The following DLG2 variants were observed in gnomAD, a reference collection of about 807,000 sequenced individuals.
DLG2 encodes the protein discs large MAGUK scaffold protein 2.
Under a neutral mutation model 132.5 loss-of-function variants are expected in DLG2, and 45 were observed. The ratio of observed to expected loss-of-function variants is 0.34; its 90% CI spans 0.27 to 0.44. The LOEUF (loss-of-function observed/expected upper bound fraction) is 0.44. Ranked by LOEUF, DLG2 falls within the 20% of genes least tolerant of loss-of-function variation. The pLI, the probability that DLG2 is intolerant of heterozygous loss-of-function variation, is 1.00. For synonymous variants in DLG2, 424 were observed against 419.6 expected (o/e 1.01, Z -0.13); for missense variants, 1,045 against 1,196.9 (o/e 0.87, Z 1.87).
intron 7 of DLG2, among the ~76,000 whole-genome samples, chr11:84,310,422 G>A (rs771469206): frequency 6.6e-6 from 1 of 152,162 alleles, no homozygotes; most frequent in Non-Finnish European, 1.5e-5. Flanking sequence ...TCCTAGCACA[G>A]TGTCTCACAC....
intron 4 of DLG2, among the ~76,000 whole-genome samples, chr11:85,208,902 T>C (rs1595396028): frequency 6.6e-6 from 1 of 152,140 alleles, no homozygotes; most frequent in East Asian, 1.9e-4. Context: ...CCTTCATTTG[T>C]TCTTGTCCTC....
intron 21 of DLG2, among the ~76,000 whole-genome samples, chr11:83,523,996 T>C (rs967697156): frequency 2.0e-5 from 3 of 152,156 alleles, no homozygotes; most frequent in African/African-American, 7.2e-5. Flanking sequence ...CTTCTTCCTC[T>C]GTGCAAAAGG....
At position 84,862,192 on chromosome 11, in the gene DLG2, TAAATAAA is replaced by T. The variant is rs553217271; in HGVS notation, c.357+249462_357+249468del. 3.2e-3 allele frequency among the ~76,000 whole-genome samples: 492 copies of T among 151,656 alleles called. 2 individuals are homozygous for T. Among genetic ancestry groups the T allele is most frequent in the Non-Finnish European group, 5.1e-3 (349 of 67,900 alleles). ...CCTAAAACTTAAAGTATAATAATAA[TAAATAAA>T]AAATAAAAAATAAAAAGAAAAGCTC... On this transcript the variant is annotated intron_variant, in intron 6 of 27. Coordinates refer to ENST00000376104, the MANE Select transcript of DLG2 (RefSeq NM_001142699.3).
At position 85,560,165 on chromosome 11, in the gene DLG2, T is replaced by C. The variant is rs753304167; in HGVS notation, c.40+38492A>G. 2.6e-4 allele frequency among the ~76,000 whole-genome samples: 39 copies of C among 151,706 alleles called. 1 individual carries two copies. Among genetic ancestry groups the C allele is most frequent in the Non-Finnish European group, 5.0e-4 (34 of 67,828 alleles). ...AAAATGACACTGTCATTATGAAAAATAATTTGGCAGTTCTTGAAAAAGTTA... is the reference window on the plus strand; with the variant it reads ...AAAATGACACTGTCATTATGAAAAACAATTTGGCAGTTCTTGAAAAAGTTA... On this transcript the variant is annotated intron_variant, in intron 3 of 27. Coordinates refer to ENST00000376104, the MANE Select transcript of DLG2 (RefSeq NM_001142699.3).
At chr11:85,349,700 T>C (rs577020890) in intron 3 of DLG2, among the ~76,000 whole-genome samples, 3 of 152,276 alleles carry the variant, frequency 2.0e-5, no homozygotes, top group Middle Eastern at 3.4e-3. Context: ...CTGGGAATGA[T>C]GGTTTCCAGC....
intron 9 of DLG2, among the ~76,000 whole-genome samples, chr11:84,127,309 A>G (rs2094218909): frequency 6.6e-6 from 1 of 152,190 alleles, no homozygotes; most frequent in Non-Finnish European, 1.5e-5. Context: ...CATACATTCC[A>G]ATACTCCCCA....
At chr11:84,855,444 G>A (rs1296945113) in intron 6 of DLG2, among the ~76,000 whole-genome samples, 1 of 152,064 alleles carries the variant, frequency 6.6e-6, no homozygotes, top group African/African-American at 2.4e-5. Context: ...ATGAGACAAT[G>A]TAGCTAGAGA....
chr11:84,719,528 C>G (rs1193763674), intron 6 of DLG2, among the ~76,000 whole-genome samples: 2 of 152,290 alleles, frequency 1.3e-5, no homozygotes, highest in African/African-American at 4.8e-5. Context: ...ACACCAAGTT[C>G]TATGCATCTT....
intron 6 of DLG2, among the ~76,000 whole-genome samples, chr11:85,057,993 A>G (rs1226750738): frequency 2.6e-5 from 4 of 151,498 alleles, no homozygotes; most frequent in Admixed American, 2.6e-4. Flanking sequence ...GAAATATTAG[A>G]ATATTCTTGT....
At chr11:83,915,745 A>G (rs747008806) in intron 15 of DLG2, among the ~76,000 whole-genome samples, 3 of 152,206 alleles carry the variant, frequency 2.0e-5, no homozygotes, top group Non-Finnish European at 4.4e-5. Context: ...TAATTTACCT[A>G]CAGTAAAATC....
At position 84,425,870 on chromosome 11, in the gene DLG2, A is replaced by G. The variant is rs563082602; in HGVS notation, c.519+108700T>C. The stretch of plus-strand genomic sequence containing the variant: ...AATAGATCCAAAGTGACTCCATTCA[A>G]TTCACAGCAGGAACATTCAAAGTAG... On this transcript the variant is annotated intron_variant, in intron 7 of 27. Coordinates refer to ENST00000376104, the MANE Select transcript of DLG2 (RefSeq NM_001142699.3). Among the ~76,000 whole-genome samples, 6 of 152,280 alleles carry G rather than the reference A, an allele frequency of 3.9e-5. No individual in the cohort carries two copies. In the East Asian group the frequency reaches 5.8e-4, roughly 15 times the overall value.
chr11:85,528,022 G>A (rs1481572166), intron 3 of DLG2, among the ~76,000 whole-genome samples: 1 of 152,080 alleles, frequency 6.6e-6, no homozygotes, highest in Non-Finnish European at 1.5e-5. Flanking sequence ...CCCACTTTTT[G>A]ATGGGATTGT....
At chr11:85,251,191 A>C (rs1340219987) in intron 4 of DLG2, among the ~76,000 whole-genome samples, 3 of 152,202 alleles carry the variant, frequency 2.0e-5, no homozygotes, top group Admixed American at 2.0e-4. Flanking sequence ...GTGTGTGGAA[A>C]GTGCAGAAAA....
At chr11:84,411,010 A>C (rs1386073062) in intron 7 of DLG2, among the ~76,000 whole-genome samples, 1 of 152,202 alleles carries the variant, frequency 6.6e-6, no homozygotes, top group Non-Finnish European at 1.5e-5. Context: ...CTAATTTCTA[A>C]AAATAAAATC....
At chr11:84,251,169 G>T in intron 8 of DLG2, 69 bp downstream of exon 8, 1 of 956,478 alleles carries the variant, frequency 1.0e-6, no homozygotes, top group South Asian at 1.9e-5. Context: ...AATGTGAATT[G>T]AATTTAAATT....
chr11:85,030,860 T>A (rs544710999), intron 6 of DLG2, among the ~76,000 whole-genome samples: 36 of 152,240 alleles, frequency 2.4e-4, no homozygotes, highest in African/African-American at 8.7e-4. Context: ...AATTTTATTT[T>A]CGATTTTTAT....
chr11:85,504,270 G>C (rs1480527850), intron 3 of DLG2, among the ~76,000 whole-genome samples: 1 of 152,048 alleles, frequency 6.6e-6, no homozygotes, highest in African/African-American at 2.4e-5. Context: ...TGGTGTTTTA[G>C]TCATGAAGTC....
intron 6 of DLG2, among the ~76,000 whole-genome samples, chr11:84,702,104 G>T (rs185290494): frequency 5.2e-4 from 79 of 151,570 alleles, no homozygotes; most frequent in African/African-American, 1.8e-3. Flanking sequence ...CTAAATGAAC[G>T]AATAAATAAA....
intron 18 of DLG2, among the ~76,000 whole-genome samples, chr11:83,635,500 T>G (rs1415073691): frequency 6.6e-6 from 1 of 151,630 alleles, no homozygotes; most frequent in Non-Finnish European, 1.5e-5. Flanking sequence ...TCTTCTGCCT[T>G]CCCTTACCTT....
Sources: allele counts gnomAD v4.1 joint callset (sites outside exome capture counted in the v4.1 genomes callset), GRCh38; gene constraint gnomAD v4.1.1; transcripts MANE v1.5; gene names NCBI Gene and HGNC (gene_info 2026-07-23, HGNC 2026-07-21).